The following CLASP2 variants were observed in gnomAD, a reference collection of about 807,000 sequenced individuals.
CLASP2 encodes the protein cytoplasmic linker associated protein 2.
A neutral mutation model predicts 194.4 loss-of-function variants in CLASP2; 47 were observed. The ratio of observed to expected loss-of-function variants is 0.24; its 90% CI spans 0.19 to 0.31. The LOEUF is 0.31. CLASP2 is among the 10% of genes least tolerant of loss of function. CLASP2 has a pLI of 1.00. For missense variants in CLASP2, 1,445 were observed against 1,823.6 expected (o/e 0.79, Z 3.78); for synonymous variants, 619 against 633.5 (o/e 0.98, Z 0.34).
At chr3:33,674,047 C>T (rs1482641305) in intron 6 of CLASP2, among the ~76,000 whole-genome samples, 1 of 152,032 alleles carries the variant, frequency 6.6e-6, no homozygotes, top group Non-Finnish European at 1.5e-5. Flanking sequence ...GACAGAAAGT[C>T]AACAAGGATA....
intron 38 of CLASP2, among the ~76,000 whole-genome samples, 162 bp from the exon 39 acceptor site, chr3:33,498,879 TA>T (rs1323961874): frequency 6.6e-6 from 1 of 152,178 alleles, no homozygotes; most frequent in Non-Finnish European, 1.5e-5. Context: ...AATAACAAAT[TA>T]TTTTTTTTTT....
At chr3:33,630,918 C>G (rs1175612256) in intron 9 of CLASP2, among the ~76,000 whole-genome samples, 3 of 151,822 alleles carry the variant, frequency 2.0e-5, no homozygotes, top group Non-Finnish European at 4.4e-5. Context: ...CTGTAAAACA[C>G]AAAAGGAGGA....
chr3:33,709,494 A>G (rs1204015633), intron 1 of CLASP2, among the ~76,000 whole-genome samples: 1 of 152,148 alleles, frequency 6.6e-6, no homozygotes, highest in Non-Finnish European at 1.5e-5. Context: ...ACTTATAAGG[A>G]GGAGGCCAAA....
intron 19 of CLASP2, among the ~76,000 whole-genome samples, chr3:33,596,223 A>C (rs1447880894): frequency 2.0e-5 from 3 of 152,124 alleles, no homozygotes; most frequent in Non-Finnish European, 4.4e-5. Context: ...TTTAAAGTTC[A>C]ATTTTGACTA....
intron 5 of CLASP2, among the ~76,000 whole-genome samples, chr3:33,685,439 T>C (rs1359121040): frequency 6.6e-6 from 1 of 151,460 alleles, no homozygotes; most frequent in Non-Finnish European, 1.5e-5. Context: ...TCACGGTTAA[T>C]GTATTTTCCT....
At chr3:33,630,909 T>C (rs1160038698) in intron 9 of CLASP2, among the ~76,000 whole-genome samples, 1 of 152,224 alleles carries the variant, frequency 6.6e-6, no homozygotes, top group East Asian at 1.9e-4. Context: ...TATGAAAGCC[T>C]GTAAAACACA....
intron 7 of CLASP2, among the ~76,000 whole-genome samples, chr3:33,657,135 C>T (rs528272871): frequency 2.7e-5 from 4 of 150,798 alleles, no homozygotes; most frequent in African/African-American, 7.3e-5. Flanking sequence ...CGTAAATAAA[C>T]AAAAAACATC....
At chr3:33,698,540 T>A (rs1209767282) in intron 1 of CLASP2, among the ~76,000 whole-genome samples, 2 of 152,018 alleles carry the variant, frequency 1.3e-5, no homozygotes, top group Non-Finnish European at 2.9e-5. Flanking sequence ...CGAAGAAGAA[T>A]CCTCTATGAA....
rs1036297935 is a variant in CLASP2 at position 33,597,748 on chromosome 3, T to C, written c.1925-1014A>G. ...ATGTTGCATTGCTGTATTTCTTTTC[T>C]TTTCTTTCTTTTTTTTTTTTTTTTA... On this transcript the variant is annotated intron_variant, in intron 18 of 38. Coordinates refer to ENST00000682230, the MANE Select transcript of CLASP2 (RefSeq NM_001365631.1). Among the ~76,000 whole-genome samples, 3 of 148,166 alleles carry C rather than the reference T, an allele frequency of 2.0e-5. No individual in the cohort carries two copies. In the Admixed American group the frequency reaches 2.1e-4, roughly 11 times the overall value.
chr3:33,545,598 T>C (rs555346649), intron 30 of CLASP2, among the ~76,000 whole-genome samples: 2 of 152,260 alleles, frequency 1.3e-5, no homozygotes, highest in African/African-American at 4.8e-5. Context: ...GAAAGGTCTA[T>C]TATACACTGC....
chr3:33,666,363 TG>T (rs974748568), intron 6 of CLASP2, among the ~76,000 whole-genome samples: 1 of 152,198 alleles, frequency 6.6e-6, no homozygotes, highest in African/African-American at 2.4e-5. Flanking sequence ...CCATTTACCC[TG>T]ATCTCTCCAG....
At chr3:33,652,870 A>T (rs1255907358) in intron 7 of CLASP2, among the ~76,000 whole-genome samples, 1 of 152,204 alleles carries the variant, frequency 6.6e-6, no homozygotes. Context: ...TTTGACCCAC[A>T]GAGATCGTCT....
At chr3:33,510,882 A>T in intron 36 of CLASP2, 118 bp from the exon 37 acceptor site, 2 of 905,744 alleles carry the variant, frequency 2.2e-6, no homozygotes, top group Non-Finnish European at 3.3e-6. Context: ...TGAAAATGCT[A>T]CAGTAAACAA....
At chr3:33,528,820 GAGAA>G (rs894904603) in intron 34 of CLASP2, among the ~76,000 whole-genome samples, 7 of 151,990 alleles carry the variant, frequency 4.6e-5, no homozygotes, top group South Asian at 2.1e-4. Context: ...GAAAGAAAGA[GAGAA>G]AGAAAGAGAG....
chr3:33,600,390 T>G (rs1227666074), intron 18 of CLASP2, among the ~76,000 whole-genome samples: 1 of 152,218 alleles, frequency 6.6e-6, no homozygotes, highest in Non-Finnish European at 1.5e-5. Flanking sequence ...AGATGACTTC[T>G]GTTCCTAGTT....
intron 1 of CLASP2, among the ~76,000 whole-genome samples, chr3:33,701,190 A>G (rs2092348113): frequency 6.6e-6 from 1 of 152,252 alleles, no homozygotes; most frequent in African/African-American, 2.4e-5. Flanking sequence ...GCAGAAATCG[A>G]CAAGCTGATC....
chr3:33,568,138 A>G (rs901539234), intron 26 of CLASP2, among the ~76,000 whole-genome samples: 1 of 152,204 alleles, frequency 6.6e-6, no homozygotes, highest in Non-Finnish European at 1.5e-5. Context: ...GTCAACGACA[A>G]AGAGTTGATC....
At chr3:33,549,280 T>C (rs1164545112) in intron 30 of CLASP2, among the ~76,000 whole-genome samples, 1 of 152,228 alleles carries the variant, frequency 6.6e-6, no homozygotes, top group Non-Finnish European at 1.5e-5. Context: ...AGGTTTAGTA[T>C]GCTTTTCTTT....
chr3:33,507,163 C>G (rs2048488315), intron 37 of CLASP2, among the ~76,000 whole-genome samples: 1 of 152,186 alleles, frequency 6.6e-6, no homozygotes, highest in Non-Finnish European at 1.5e-5. Flanking sequence ...TCTTGAACTC[C>G]TGACCTCAGG....
Sources: allele counts gnomAD v4.1 joint callset (sites outside exome capture counted in the v4.1 genomes callset), GRCh38; gene constraint gnomAD v4.1.1; transcripts MANE v1.5; gene names NCBI Gene and HGNC (gene_info 2026-07-23, HGNC 2026-07-21).